The following OLA1 variants were observed in gnomAD, a reference collection of about 807,000 sequenced individuals.
OLA1 encodes obg-like ATPase 1.
A neutral mutation model predicts 48.4 loss-of-function variants in OLA1; 14 were observed. The observed-to-expected ratio is 0.29, with a 90% confidence interval of 0.19 to 0.45. The LOEUF is 0.45. Ranked by LOEUF, OLA1 falls within the 20% of genes least tolerant of loss-of-function variation. The probability of loss-of-function intolerance (pLI) is 1.00; values close to 1 mark genes in which losing one functional copy is unlikely to be tolerated. For missense variants in OLA1, 325 were observed against 467.1 expected, an observed-to-expected ratio of 0.70 and a Z score of 2.80; for synonymous variants, 127 against 150.4, an observed-to-expected ratio of 0.84 and a Z score of 1.14.
intron 4 of OLA1, among the ~76,000 whole-genome samples, chr2:174,194,588 A>T (rs1687843534): frequency 6.6e-6 from 1 of 152,188 alleles, no homozygotes; most frequent in Admixed American, 6.5e-5. Context: ...ATATTTCCCG[A>T]TGACTGGTCT....
chr2:174,104,841 A>T (rs995707186), intron 7 of OLA1, among the ~76,000 whole-genome samples: 3 of 152,030 alleles, frequency 2.0e-5, no homozygotes, highest in Admixed American at 2.0e-4. Flanking sequence ...CCACTTGAAA[A>T]GCCAGACACA....
chr2:174,084,192 T>C (rs1423630417), intron 7 of OLA1, among the ~76,000 whole-genome samples: 1 of 152,210 alleles, frequency 6.6e-6, no homozygotes, highest in African/African-American at 2.4e-5. Context: ...CTCAAAGTGT[T>C]GACAGATGAT....
chr2:174,199,604 G>C lies in OLA1; in HGVS notation c.373+23429C>G, dbSNP rs1687948285. Among the ~76,000 whole-genome samples the C allele has an allele frequency of 2.6e-5, 4 of 152,016 alleles. No individual in the cohort carries two copies. In the South Asian group the frequency reaches 8.3e-4, roughly 32 times the overall value. On this transcript the variant is annotated intron_variant, in intron 4 of 10. Coordinates refer to ENST00000284719, the MANE Select transcript of OLA1 (RefSeq NM_013341.5). ...CAACAGATTTGATTTTTTTGATACT[G>C]TATCACATAAGGTCTCAAGATTTGG... is the stretch of plus-strand genomic sequence containing the variant.
chr2:174,203,373 T>C (rs746342239), intron 4 of OLA1, among the ~76,000 whole-genome samples: 4 of 152,036 alleles, frequency 2.6e-5, no homozygotes, highest in Non-Finnish European at 5.9e-5. Flanking sequence ...AAAGATTAAC[T>C]GCAACACCCT....
At chr2:174,204,429 C>T (rs1227057058) in intron 4 of OLA1, among the ~76,000 whole-genome samples, 3 of 151,950 alleles carry the variant, frequency 2.0e-5, no homozygotes, top group African/African-American at 4.8e-5. Context: ...TTAAAAAATC[C>T]TTTTGGAAAT....
At chr2:174,107,128 T>A (rs1685531147) in intron 7 of OLA1, among the ~76,000 whole-genome samples, 1 of 152,114 alleles carries the variant, frequency 6.6e-6, no homozygotes, top group Non-Finnish European at 1.5e-5. Flanking sequence ...GGAGCTCCAG[T>A]TTAGAATGTG....
intron 5 of OLA1, among the ~76,000 whole-genome samples, chr2:174,132,013 G>A (rs1430898201): frequency 6.6e-6 from 1 of 151,914 alleles, no homozygotes; most frequent in African/African-American, 2.4e-5. Context: ...TTATAGTAAG[G>A]TTTAAAATTA....
intron 2 of OLA1, among the ~76,000 whole-genome samples, chr2:174,239,315 C>G (rs1271662795): frequency 3.9e-5 from 6 of 152,186 alleles, no homozygotes; most frequent in Admixed American, 3.9e-4. Context: ...GTGAAGAAAT[C>G]TGTCAGATAC....
intron 4 of OLA1, among the ~76,000 whole-genome samples, chr2:174,219,423 C>CTTTTTTTTTTTTT (rs372577919): frequency 6.3e-5 from 6 of 94,894 alleles, no homozygotes; most frequent in Non-Finnish European, 9.7e-5. Flanking sequence ...TTTTATTTCC[C>CTTTTTTTTTTTTT]TTTTTTTTTT....
chr2:174,178,860 TA>T (rs1033507636), intron 4 of OLA1, among the ~76,000 whole-genome samples: 1 of 151,896 alleles, frequency 6.6e-6, no homozygotes, highest in African/African-American at 2.4e-5. Flanking sequence ...ATTATTTCAG[TA>T]AGAGCAAAAT....
At chr2:174,227,266 AAAT>A (rs1355474946) in intron 3 of OLA1, among the ~76,000 whole-genome samples, 3 of 152,138 alleles carry the variant, frequency 2.0e-5, no homozygotes, top group Non-Finnish European at 2.9e-5. Context: ...GAAAAGGAAA[AAAT>A]AAGATAAAAC....
At chr2:174,185,598 C>T (rs1470632081) in intron 4 of OLA1, among the ~76,000 whole-genome samples, 1 of 151,988 alleles carries the variant, frequency 6.6e-6, no homozygotes, top group Admixed American at 6.6e-5. Context: ...CTCTACAGTA[C>T]TTAATAAAGA....
intron 2 of OLA1, among the ~76,000 whole-genome samples, chr2:174,242,919 G>A (rs146798045): frequency 1.4e-4 from 22 of 152,236 alleles, no homozygotes; most frequent in Non-Finnish European, 2.8e-4. Context: ...ATTAAAAGAG[G>A]TCATTTAATT....
chr2:174,138,748 A>G lies in OLA1; in HGVS notation c.549+3077T>C, dbSNP rs140328175. The stretch of plus-strand genomic sequence containing the variant: ...AATCTTTCAATGTTCGTTAAAAACA[A>G]ATAGCTTAAATATTTCAAAAGTTAT... On this transcript the variant is annotated intron_variant, in intron 5 of 10. Transcript: ENST00000284719. Among the ~76,000 whole-genome samples, 278 of 152,360 alleles carry G rather than the reference A, an allele frequency of 1.8e-3. 1 individual carries two copies. Among genetic ancestry groups the G allele is most frequent in the African/African-American group, 6.3e-3 (263 of 41,586 alleles).
intron 4 of OLA1, among the ~76,000 whole-genome samples, chr2:174,156,235 A>C (rs1686873696): frequency 6.6e-6 from 1 of 152,114 alleles, no homozygotes; most frequent in African/African-American, 2.4e-5. Context: ...TGAAGGGCTG[A>C]CCTGTGCATT....
At chr2:174,109,221 T>C (rs139687731) in intron 7 of OLA1, among the ~76,000 whole-genome samples, 14 of 152,310 alleles carry the variant, frequency 9.2e-5, no homozygotes, top group African/African-American at 3.4e-4. Flanking sequence ...GCTAAGAATG[T>C]TTAATCAGCA....
intron 1 of OLA1, chr2:174,247,723 G>A (rs1199740723): frequency 3.2e-6 from 5 of 1,551,006 alleles, no homozygotes; most frequent in East Asian, 2.4e-5. Context: ...CTGAAGGTAC[G>A]GCTCATCAGT....
intron 2 of OLA1, among the ~76,000 whole-genome samples, chr2:174,246,002 A>T (rs1053178175): frequency 1.3e-5 from 2 of 151,914 alleles, no homozygotes; most frequent in African/African-American, 4.8e-5. Context: ...ATTCACTGTA[A>T]CTTTGAAAAC....
intron 4 of OLA1, among the ~76,000 whole-genome samples, chr2:174,164,169 T>C (rs1558984847): frequency 6.6e-6 from 1 of 152,090 alleles, no homozygotes; most frequent in Non-Finnish European, 1.5e-5. Context: ...CTCAGCCTCA[T>C]GCAGAACTGT....
Sources: gnomAD v4.1 joint callset for allele counts (sites outside exome capture counted in the v4.1 genomes callset) on GRCh38, gnomAD v4.1.1 for gene constraint, MANE v1.5 for transcripts, NCBI Gene and HGNC (gene_info 2026-07-23, HGNC 2026-07-21) for gene names.